GALNT13: variants seen among roughly 807,000 people sequenced by gnomAD.
The protein encoded by GALNT13 is polypeptide N-acetylgalactosaminyltransferase 13.
A neutral mutation model predicts 64.2 loss-of-function variants in GALNT13; 28 were observed. The observed-to-expected ratio is 0.44, with a 90% CI of 0.32 to 0.60. GALNT13 has a LOEUF of 0.60. Among genes scored for constraint, GALNT13 ranks in the 20% least tolerant of loss-of-function variants. The pLI, the probability that GALNT13 is intolerant of heterozygous loss-of-function variation, is 0.05. For missense variants in GALNT13, 577 were observed against 669.8 expected (o/e 0.86, Z 1.53); for synonymous variants, 214 against 224.6 (o/e 0.95, Z 0.42).
At chr2:153,789,349 T>C in the GALNT13 span, among the ~76,000 whole-genome samples, 2 of 150,910 alleles carry the variant, frequency 1.3e-5, no homozygotes, top group East Asian at 1.9e-4. Flanking sequence ...ATGACTTTTT[T>C]TGGGTAAATA....
chr2:154,045,928 A>C (rs866025569), intron 3 of GALNT13, among the ~76,000 whole-genome samples: 3 of 151,954 alleles, frequency 2.0e-5, no homozygotes, highest in African/African-American at 7.2e-5. Flanking sequence ...TCTGTCTAGT[A>C]AGTCTTTTTT....
rs183901689 is a variant in GALNT13 at position 154,010,678 on chromosome 2, A to G, written c.142+66039A>G. ...GTAGGAATGGTACCAGCTGTGGTTC[A>G]TATATCTGGTAGAATTCAGTTGTGA... On this transcript the variant is annotated intron_variant, in intron 3 of 12. Coordinates refer to ENST00000392825, the MANE Select transcript of GALNT13 (RefSeq NM_052917.4). Among the ~76,000 whole-genome samples, 569 of 152,224 alleles carry G rather than the reference A, an allele frequency of 3.7e-3. 4 individuals carry two copies. The highest frequency in any genetic ancestry group is 0.013 in the African/African-American group (531 of 41,548).
chr2:153,971,515 GC>G (rs1693739170), intron 3 of GALNT13, among the ~76,000 whole-genome samples: 1 of 152,116 alleles, frequency 6.6e-6, no homozygotes, highest in African/African-American at 2.4e-5. Flanking sequence ...AGAAGAATCT[GC>G]AGAGCAAGAA....
chr2:153,094,159 T>G, the GALNT13 span, among the ~76,000 whole-genome samples: 6 of 152,230 alleles, frequency 3.9e-5, no homozygotes, highest in Non-Finnish European at 8.8e-5. Context: ...ATTTGTGTTC[T>G]GACTTTATTT....
the GALNT13 span, among the ~76,000 whole-genome samples, chr2:153,637,939 G>A: frequency 6.6e-6 from 1 of 152,100 alleles, no homozygotes. Context: ...CAAGTACCAG[G>A]CATGGAAAAT....
At chr2:153,732,401 T>C in the GALNT13 span, among the ~76,000 whole-genome samples, 1 of 152,012 alleles carries the variant, frequency 6.6e-6, no homozygotes, top group Non-Finnish European at 1.5e-5. Context: ...CAGAACATTA[T>C]ATATTATAAT....
chr2:153,605,241 G>T, the GALNT13 span, among the ~76,000 whole-genome samples: 1 of 152,074 alleles, frequency 6.6e-6, no homozygotes, highest in Non-Finnish European at 1.5e-5. Context: ...GCAAGTAATA[G>T]ATAGGCTCTT....
chr2:153,476,854 A>T, the GALNT13 span, among the ~76,000 whole-genome samples: 3 of 152,236 alleles, frequency 2.0e-5, no homozygotes, highest in East Asian at 5.8e-4. Flanking sequence ...TTTTCCTCGC[A>T]TTTTATAATT....
chr2:153,095,054 A>C, the GALNT13 span, among the ~76,000 whole-genome samples: 1 of 152,148 alleles, frequency 6.6e-6, no homozygotes, highest in Non-Finnish European at 1.5e-5. Context: ...TAATTAAACT[A>C]AAGAGCTTCT....
At chr2:153,469,121 G>T in the GALNT13 span, among the ~76,000 whole-genome samples, 2 of 152,056 alleles carry the variant, frequency 1.3e-5, no homozygotes, top group African/African-American at 4.8e-5. Flanking sequence ...ATCATGCCAA[G>T]AAAAAGAGGA....
intron 3 of GALNT13, among the ~76,000 whole-genome samples, chr2:154,081,017 T>C (rs1199316498): frequency 6.6e-6 from 1 of 151,558 alleles, no homozygotes; most frequent in Admixed American, 6.6e-5. Flanking sequence ...ATATTATATT[T>C]TGTGGTTGCT....
chr2:153,609,027 C>T, the GALNT13 span, among the ~76,000 whole-genome samples: 16 of 151,192 alleles, frequency 1.1e-4, no homozygotes, highest in African/African-American at 3.9e-4. Flanking sequence ...GGCCATGCTC[C>T]CCACTCAGCC....
intron 3 of GALNT13, among the ~76,000 whole-genome samples, chr2:154,109,400 G>A (rs545745646): frequency 1.3e-5 from 2 of 151,790 alleles, no homozygotes; most frequent in African/African-American, 4.8e-5. Flanking sequence ...TTTCCTATAC[G>A]TAAGATCATG....
the GALNT13 span, among the ~76,000 whole-genome samples, chr2:153,096,047 A>G: frequency 2.0e-5 from 3 of 151,864 alleles, no homozygotes; most frequent in East Asian, 1.9e-4. Flanking sequence ...AAGTAAATAA[A>G]TAAATAAATA....
chr2:153,913,551 A>G (rs1339089633), intron 2 of GALNT13, among the ~76,000 whole-genome samples: 1 of 152,144 alleles, frequency 6.6e-6, no homozygotes, highest in Non-Finnish European at 1.5e-5. Context: ...TGGGCTCTGC[A>G]TTGGCTGGAG....
intron 8 of GALNT13, among the ~76,000 whole-genome samples, chr2:154,296,509 C>T (rs1214856034): frequency 6.6e-6 from 1 of 152,158 alleles, no homozygotes. Flanking sequence ...TTACCAAACA[C>T]CTTGCATTTT....
chr2:154,267,970 A>G (rs559350529), intron 8 of GALNT13, among the ~76,000 whole-genome samples: 1 of 152,302 alleles, frequency 6.6e-6, no homozygotes, highest in Non-Finnish European at 1.5e-5. Context: ...AAAGGTTAAG[A>G]AGGCTGACCA....
At chr2:154,394,672 G>T (rs1698974661) in intron 9 of GALNT13, among the ~76,000 whole-genome samples, 1 of 152,124 alleles carries the variant, frequency 6.6e-6, no homozygotes, top group Non-Finnish European at 1.5e-5. Flanking sequence ...ATACTAAATT[G>T]TTTTGAGCTT....
the GALNT13 span, among the ~76,000 whole-genome samples, chr2:153,562,072 G>C: frequency 3.5e-3 from 208 of 58,656 alleles, 1 homozygote; most frequent in African/African-American, 4.3e-3. Flanking sequence ...GTGTGTGTGT[G>C]TGTGTGTGTG....
Sources: allele counts gnomAD v4.1 joint callset (sites outside exome capture counted in the v4.1 genomes callset), GRCh38; gene constraint gnomAD v4.1.1; transcripts MANE v1.5; gene names NCBI Gene and HGNC (gene_info 2026-07-23, HGNC 2026-07-21).